DHX57: variants seen among roughly 807,000 people sequenced by gnomAD.
DHX57 encodes the protein putative ATP-dependent RNA helicase DHX57.
DHX57 carries 105 observed loss-of-function variants against 156.2 expected under a neutral mutation model. The ratio of observed to expected loss-of-function variants is 0.67; its 90% CI spans 0.57 to 0.79. The LOEUF (loss-of-function observed/expected upper bound fraction) is 0.79. Among genes scored for constraint, DHX57 ranks in the 30% least tolerant of loss-of-function variants. DHX57 has a pLI of 0.00. For synonymous variants in DHX57, 704 were observed against 595.6 expected (o/e 1.18, Z -2.65); for missense variants, 1,847 against 1,661.9 (o/e 1.11, Z -1.94).
In DHX57 at chr2:38,843,140, T is replaced by C. The variant is rs1672099012; in HGVS notation, c.2290A>G (p.Arg764Gly). 1.2e-6 allele frequency: 2 copies of C among 1,614,214 alleles called. No individual in the cohort carries two copies. The highest frequency in any genetic ancestry group is 2.2e-5 in the East Asian group (1 of 44,884). Reference protein sequence around the residue: ...KQISKEKLKARRNRTAFEEVE... With the variant: ...KQISKEKLKAGRNRTAFEEVE... Reference sequence around the variant, plus strand: ...TCTTCAAATGCAGTTCTGTTCCGCCTTGCTTTAAGCTTTTCCTTTGAAATC... The same window carrying C: ...TCTTCAAATGCAGTTCTGTTCCGCCCTGCTTTAAGCTTTTCCTTTGAAATC... Residue 764 changes from arginine to glycine, a missense_variant, in exon 12 of 24, where the codon AGG (arginine) becomes GGG (glycine). Transcript: ENST00000457308.
At chr2:38,799,857 C>T (rs1572607135) in intron 23 of DHX57, among the ~76,000 whole-genome samples, 1 of 150,544 alleles carries the variant, frequency 6.6e-6, no homozygotes, top group African/African-American at 2.4e-5. Context: ...AGTTTGAGAT[C>T]AGCCTGTCCA....
chr2:38,826,676 G>A lies in DHX57; in HGVS notation c.2653C>T (p.Pro885Ser). 6.2e-7 allele frequency: 1 copy of A among 1,613,824 alleles called. No homozygotes were observed. The highest frequency in any genetic ancestry group is 1.1e-5 in the South Asian group (1 of 91,032). Residue 885 changes from proline to serine, a missense_variant, in exon 15 of 24, where the codon CCA becomes TCA. Coordinates refer to ENST00000457308, the MANE Select transcript of DHX57 (RefSeq NM_198963.3). ...TCACTGGATAAAGATGAATGAAGTG[G>A]GTGAATAACACATCTGGAAGGAAAT... ...NRRSNRCVIHPLHSSLSSEEQ... is the reference protein window; with the variant it reads ...NRRSNRCVIHSLHSSLSSEEQ...
At position 38,854,043 on chromosome 2, in the gene DHX57, CT is replaced by C; in HGVS notation, c.2030+10del. The C allele has an allele frequency of 6.3e-7, 1 of 1,598,074 alleles. No homozygotes were observed. Among genetic ancestry groups the C allele is most frequent in the Non-Finnish European group, 8.5e-7 (1 of 1,171,658 alleles). ...GTGAGTGTGTGTTCCCTGGGAAAGT[CT>C]TTGTTTTACCTTTCTTCTGTCCTCT... On this transcript the variant is annotated intron_variant, in intron 9 of 23. Transcript: ENST00000457308.
At chr2:38,816,500 G>A (rs527999559) in intron 19 of DHX57, among the ~76,000 whole-genome samples, 1 of 152,296 alleles carries the variant, frequency 6.6e-6, no homozygotes, top group South Asian at 2.1e-4. Context: ...ACAGGCATGA[G>A]CCACCACGCC....
At chr2:38,804,756 C>T (rs1003561619) in intron 22 of DHX57, among the ~76,000 whole-genome samples, 2 of 152,124 alleles carry the variant, frequency 1.3e-5, no homozygotes, top group African/African-American at 2.4e-5. Flanking sequence ...CACTTATGTC[C>T]TCTGCTGGAA....
intron 12 of DHX57, among the ~76,000 whole-genome samples, chr2:38,839,051 C>T (rs1215966609): frequency 6.6e-6 from 1 of 152,004 alleles, no homozygotes; most frequent in Non-Finnish European, 1.5e-5. Flanking sequence ...CCTGCCTCAG[C>T]CTCCTGAGTA....
At chr2:38,846,686 AAG>A (rs1431320252) in intron 11 of DHX57, among the ~76,000 whole-genome samples, 2 of 152,086 alleles carry the variant, frequency 1.3e-5, no homozygotes, top group African/African-American at 4.8e-5. Context: ...TGTTTGCTGA[AAG>A]AGAGGGGAGA....
chr2:38,806,686 C>A lies in DHX57; in HGVS notation c.3689G>T (p.Ser1230Ile), dbSNP rs757431033. 3 of 1,613,584 alleles carry A rather than the reference C, an allele frequency of 1.9e-6. No homozygotes were observed. Among genetic ancestry groups the A allele is most frequent in the Non-Finnish European group, 2.5e-6 (3 of 1,179,870 alleles). The change falls in exon 22 of 24, where the codon AGC becomes ATC. Residue 1230 changes from serine to isoleucine, a missense_variant. Coordinates refer to ENST00000457308, the MANE Select transcript of DHX57 (RefSeq NM_198963.3). ...GGTCTTCTGAAATTTTCCTTCTGGG[C>A]TTTTCACCTAAACAACAAGTATTTG... Reference protein sequence around the residue: ...ALYPNVVQVKSPEGKFQKTST... With the variant: ...ALYPNVVQVKIPEGKFQKTST...
rs185124900 is a variant in DHX57, at chr2:38,873,500, A to G, written c.-7+2287T>C. ...TATCTTAAGTTTGTCTCTCCTTTCT[A>G]CTCCCAGAAAGCTCTTTGAAAACAA... On this transcript the variant is annotated intron_variant, in intron 1 of 23. Transcript: ENST00000457308. 7.2e-5 allele frequency among the ~76,000 whole-genome samples: 11 copies of G among 152,220 alleles called. No individual in the cohort carries two copies. In the East Asian group the frequency reaches 2.1e-3, roughly 29 times the overall value.
chr2:38,846,541 C>G (rs1672295914), intron 11 of DHX57, among the ~76,000 whole-genome samples: 1 of 149,606 alleles, frequency 6.7e-6, no homozygotes, highest in South Asian at 2.1e-4. Flanking sequence ...CTGCTTGAGC[C>G]AGGTATTCGA....
chr2:38,843,481 G>A (rs931414330), intron 11 of DHX57, among the ~76,000 whole-genome samples: 2 of 152,154 alleles, frequency 1.3e-5, no homozygotes, highest in African/African-American at 4.8e-5. Flanking sequence ...ACACATTTGA[G>A]TTATAGCCTT....
chr2:38,860,111 AC>A (rs1335500493), intron 5 of DHX57, among the ~76,000 whole-genome samples: 3 of 151,584 alleles, frequency 2.0e-5, no homozygotes, highest in Non-Finnish European at 4.4e-5. Flanking sequence ...GAGCCACCAC[AC>A]CCAGCAGAGA....
intron 21 of DHX57, among the ~76,000 whole-genome samples, chr2:38,809,288 T>A (rs1210400044): frequency 1.3e-5 from 2 of 151,706 alleles, no homozygotes; most frequent in African/African-American, 4.8e-5. Context: ...CCTGGCTAAT[T>A]AAAAACAAAT....
chr2:38,840,641 T>A (rs1264027014), intron 12 of DHX57, among the ~76,000 whole-genome samples: 1 of 152,076 alleles, frequency 6.6e-6, no homozygotes, highest in Non-Finnish European at 1.5e-5. Flanking sequence ...CCCAGTACCA[T>A]ACAGAAGCTG....
intron 18 of DHX57, 21 bp downstream of exon 18, chr2:38,819,028 G>A: frequency 6.2e-7 from 1 of 1,613,868 alleles, no homozygotes; most frequent in South Asian, 1.1e-5. Context: ...ATAAAACTAA[G>A]CTATTAGGTT....
At chr2:38,838,036 T>G in intron 12 of DHX57, 89 bp from the exon 13 acceptor site, 1 of 814,216 alleles carries the variant, frequency 1.2e-6, no homozygotes, top group Non-Finnish European at 2.1e-6. Context: ...AATATGCCTG[T>G]GAATTAGGTG....
intron 12 of DHX57, among the ~76,000 whole-genome samples, chr2:38,840,214 G>A (rs144371281): frequency 1.3e-5 from 2 of 152,034 alleles, no homozygotes; most frequent in Non-Finnish European, 2.9e-5. Context: ...CAAAGTGCTG[G>A]GATTATAGGC....
At chr2:38,865,519 GGTAT>G (rs1370792195) in intron 2 of DHX57, among the ~76,000 whole-genome samples, 4 of 152,072 alleles carry the variant, frequency 2.6e-5, no homozygotes, top group Non-Finnish European at 5.9e-5. Context: ...CTCAGTCTTG[GGTAT>G]GTCCTTATAG....
chr2:38,854,394 TA>T (rs961074099), intron 8 of DHX57: 14 of 374,316 alleles, frequency 3.7e-5, no homozygotes, highest in Admixed American at 3.3e-4. Context: ...TAAAAAGCAT[TA>T]AAAAACAGTG....
Sources: allele counts gnomAD v4.1 joint callset (sites outside exome capture counted in the v4.1 genomes callset), GRCh38; gene constraint gnomAD v4.1.1; transcripts MANE v1.5; gene names NCBI Gene and HGNC (gene_info 2026-07-23, HGNC 2026-07-21).